SPTAN1: variants seen among roughly 807,000 people sequenced by gnomAD.
SPTAN1 encodes spectrin alpha chain, non-erythrocytic 1.
A neutral mutation model predicts 331.3 loss-of-function variants in SPTAN1; 61 were observed. The ratio of observed to expected loss-of-function variants is 0.18; its 90% CI spans 0.15 to 0.23. The LOEUF is 0.23. Ranked by LOEUF, SPTAN1 falls within the 10% of genes least tolerant of loss-of-function variation. The probability of loss-of-function intolerance (pLI) is 1.00; values close to 1 mark genes in which losing one functional copy is unlikely to be tolerated. For synonymous variants in SPTAN1, 1,153 were observed against 1,173.9 expected (o/e 0.98, Z 0.36); for missense variants, 2,043 against 3,147.9 (o/e 0.65, Z 8.40).
At chr9:128,626,719 G>T (rs779673690) in intron 49 of SPTAN1, 32 bp downstream of exon 49, 3 of 1,574,370 alleles carry the variant, frequency 1.9e-6, no homozygotes, top group Non-Finnish European at 2.6e-6. Context: ...GGAGCTGCTC[G>T]GCCTCCCAGA....
At chr9:128,571,232 G>A (rs1348038142) in intron 3 of SPTAN1, among the ~76,000 whole-genome samples, 4 of 151,886 alleles carry the variant, frequency 2.6e-5, no homozygotes, top group African/African-American at 9.7e-5. Flanking sequence ...CAAGGCTGCA[G>A]TGAGCCATGA....
chr9:128,623,077 T>C (rs1356105264), intron 45 of SPTAN1, among the ~76,000 whole-genome samples: 1 of 150,372 alleles, frequency 6.7e-6, no homozygotes, highest in Admixed American at 6.6e-5. Context: ...TTTTTTGAGA[T>C]GGAGTCTTGC....
intron 28 of SPTAN1, 145 bp from the exon 29 acceptor site, chr9:128,604,181 A>T: frequency 1.2e-6 from 1 of 863,886 alleles, no homozygotes; most frequent in Non-Finnish European, 1.9e-6. Flanking sequence ...AATATTGTAT[A>T]CTAATTTATT....
At chr9:128,616,735 C>G (rs993624972) in intron 41 of SPTAN1, among the ~76,000 whole-genome samples, 2 of 151,374 alleles carry the variant, frequency 1.3e-5, no homozygotes, top group Admixed American at 6.6e-5. Flanking sequence ...CCACTGTACT[C>G]CAGAGCAAGA....
intron 52 of SPTAN1, among the ~76,000 whole-genome samples, chr9:128,631,140 C>T (rs191029857): frequency 4.6e-5 from 7 of 152,302 alleles, no homozygotes; most frequent in Admixed American, 2.6e-4. Context: ...CCACCACTCC[C>T]GGCCGAGGGC....
Position 128,582,764 on chromosome 9 carries a change from A to G in SPTAN1, c.1721A>G (p.His574Arg), listed in dbSNP as rs1852106149. ...RRRAQLADSFHLQQFFRDSDE... is the reference protein window; with the variant it reads ...RRRAQLADSFRLQQFFRDSDE... ...CGGGCCCAGCTAGCCGATTCTTTCCATCTGCAGCAGTTTTTCCGTGATTCT... is the reference window on the plus strand; with the variant it reads ...CGGGCCCAGCTAGCCGATTCTTTCCGTCTGCAGCAGTTTTTCCGTGATTCT... The change falls in exon 14 of 57, where the codon CAT (histidine) becomes CGT (arginine). Residue 574 changes from histidine (H) to arginine (R), a missense_variant. This residue lies in a region of SPTAN1 where 1,038 missense variants were observed against 1,531.5 expected (regional missense o/e 0.68). Transcript: ENST00000372739. 1 of 1,614,100 alleles carries G rather than the reference A, an allele frequency of 6.2e-7. No homozygotes were observed. The highest frequency in any genetic ancestry group is 8.5e-7 in the Non-Finnish European group (1 of 1,180,032).
At chr9:128,604,594 G>A (rs908979263) in intron 29 of SPTAN1, among the ~76,000 whole-genome samples, 177 bp downstream of exon 29, 1 of 152,240 alleles carries the variant, frequency 6.6e-6, no homozygotes, top group East Asian at 1.9e-4. Flanking sequence ...GCTTTTTAGA[G>A]TTATTGGTGG....
chr9:128,584,961 T>C, intron 18 of SPTAN1, 118 bp downstream of exon 18: 1 of 1,220,206 alleles, frequency 8.2e-7, no homozygotes, highest in Non-Finnish European at 1.2e-6. Flanking sequence ...ACCATCCCCA[T>C]TCTTTCCTAA....
In SPTAN1 at chr9:128,617,549, A is replaced by G. The variant is rs372621227; in HGVS notation, c.5358-91A>G. On this transcript the variant is annotated intron_variant, in intron 41 of 56. Coordinates refer to ENST00000372739, the MANE Select transcript of SPTAN1 (RefSeq NM_001130438.3). Reference sequence around the variant, plus strand: ...AGGATTTTCCCAGAAAGATTAGTAGATGTCTGTGAGGTCCACAGTTGACCT... The same window carrying G: ...AGGATTTTCCCAGAAAGATTAGTAGGTGTCTGTGAGGTCCACAGTTGACCT... 26 of 1,586,842 alleles carry G rather than the reference A, an allele frequency of 1.6e-5. No homozygotes were observed. The South Asian group carries it at 2.2e-4, about 14-fold the overall frequency.
chr9:128,584,932 C>T, intron 18 of SPTAN1, 89 bp downstream of exon 18: 2 of 1,529,664 alleles, frequency 1.3e-6, no homozygotes, highest in South Asian at 2.3e-5. Flanking sequence ...GCATCACAAA[C>T]CAGGCTCTGG....
rs558154123 is a variant in SPTAN1 at position 128,607,590 on chromosome 9, G to T, written c.4047-14G>T. 208 of 1,609,216 alleles carry T rather than the reference G, an allele frequency of 1.3e-4. No homozygotes were observed. In the South Asian group the frequency reaches 2.2e-3, roughly 17 times the overall value. The stretch of plus-strand genomic sequence containing the variant: ...GTAATATAATAGCTATTTTTCTGGG[G>T]TGCTGGTTTCCAGGGACCTCATGTC... On this transcript the variant is annotated splice_polypyrimidine_tract_variant and intron_variant, in intron 31 of 56. Coordinates refer to ENST00000372739, the MANE Select transcript of SPTAN1 (RefSeq NM_001130438.3).
In SPTAN1 at chr9:128,625,562, G is replaced by C. The variant is rs1346832515; in HGVS notation, c.6070-207G>C. Among the ~76,000 whole-genome samples, 3 of 152,178 alleles carry C rather than the reference G, an allele frequency of 2.0e-5. No homozygotes were observed. Among genetic ancestry groups the C allele is most frequent in the African/African-American group, 7.2e-5 (3 of 41,444 alleles). ...CTGGGGCGGGAGAGCGGAAGGCTGG[G>C]GTCAGGGAGGTGGGAGGAGGCTGCC... is the stretch of plus-strand genomic sequence containing the variant. On this transcript the variant is annotated intron_variant, in intron 47 of 56. Transcript: ENST00000372739. The surrounding 1 kb of genome is among the most constrained non-coding windows in gnomAD (Gnocchi z 4.1).
At chr9:128,603,642 T>G (rs1855454620) in intron 28 of SPTAN1, 52 bp downstream of exon 28, 2 of 1,600,136 alleles carry the variant, frequency 1.2e-6, no homozygotes, top group East Asian at 4.5e-5. Flanking sequence ...CTCCACTATC[T>G]TCCTTCCCTG....
rs1564296896 is a variant in SPTAN1, at chr9:128,617,627, A to T, written c.5358-13A>T. The T allele has an allele frequency of 6.2e-7, 1 of 1,614,114 alleles. No individual in the cohort carries two copies. The highest frequency in any genetic ancestry group is 1.7e-5 in the Admixed American group (1 of 60,012). ...GCAGAGACTGACTGTGCTGTTTCCC[A>T]TCTCTCATTCAGGGAGAAGAAGCTG... On this transcript the variant is annotated splice_polypyrimidine_tract_variant and intron_variant, in intron 41 of 56. Transcript: ENST00000372739.
intron 27 of SPTAN1, among the ~76,000 whole-genome samples, chr9:128,603,077 G>C (rs1440984775): frequency 6.6e-6 from 1 of 152,162 alleles, no homozygotes; most frequent in Non-Finnish European, 1.5e-5. Flanking sequence ...CTTCAACGGG[G>C]ATACGGTTAA....
In SPTAN1 at chr9:128,632,946, G is replaced by T. The variant is rs753021419; in HGVS notation, c.7299G>T (p.Glu2433Asp). 10 of 1,612,416 alleles carry T rather than the reference G, an allele frequency of 6.2e-6. No individual in the cohort carries two copies. Among genetic ancestry groups the T allele is most frequent in the Non-Finnish European group, 8.5e-6 (10 of 1,180,026 alleles). ...SEGKPYVTKE[E>D]LYQNLTREQA... ...GAAAGCCTTACGTGACCAAGGAGGA[G>T]CTCTACCAGGTATGGGCCTCAGGAG... The change falls in exon 56 of 57, where the codon GAG becomes GAT. Residue 2433 changes from glutamate to aspartate, a missense_variant. Glu to Asp is a conservative substitution (Grantham distance 45). This residue lies in a region of SPTAN1 where 88 missense variants were observed against 96.5 expected (regional missense o/e 0.91). Transcript: ENST00000372739.
Position 128,599,817 on chromosome 9 carries a change from T to G in SPTAN1, c.3544-263T>G, listed in dbSNP as rs1854844002. 4 of 535,310 alleles carry G rather than the reference T, an allele frequency of 7.5e-6. No homozygotes were observed. The East Asian group carries it at 9.4e-5, about 13-fold the overall frequency. The allele number at this position is 535,310 out of a possible 1,614,324, so 33.2% of individuals were successfully genotyped here. On this transcript the variant is annotated intron_variant, in intron 26 of 56. Transcript: ENST00000372739. Reference sequence around the variant, plus strand: ...TACAACATAAAAGTTGGTGGTTTTCTTATTAAATTTCTTTATTCTCTCCAT... The same window carrying G: ...TACAACATAAAAGTTGGTGGTTTTCGTATTAAATTTCTTTATTCTCTCCAT...
intron 2 of SPTAN1, among the ~76,000 whole-genome samples, chr9:128,567,423 C>T (rs1850163213): frequency 6.6e-6 from 1 of 152,182 alleles, no homozygotes; most frequent in Admixed American, 6.5e-5. Flanking sequence ...TCCCAGGTTG[C>T]TGGGATTACA....
chr9:128,626,534 C>G lies in SPTAN1; in HGVS notation c.6423C>G (p.Phe2141Leu). The G allele has an allele frequency of 6.2e-7, 1 of 1,614,206 alleles. No homozygotes were observed. The highest frequency in any genetic ancestry group is 8.5e-7 in the Non-Finnish European group (1 of 1,180,034). ...IKALREAHDAFRSSLSSAQAD... is the reference protein window; with the variant it reads ...IKALREAHDALRSSLSSAQAD... ...CTTTGCGCGAGGCCCACGACGCCTT[C>G]CGCTCCTCCCTCAGCTCTGCCCAGG... The change falls in exon 49 of 57, where the codon TTC becomes TTG. Residue 2141 changes from phenylalanine (F) to leucine (L), a missense_variant. This residue lies in a region of SPTAN1 where 256 missense variants were observed against 376.4 expected (regional missense o/e 0.68). Transcript: ENST00000372739.
Sources: allele counts gnomAD v4.1 joint callset (sites outside exome capture counted in the v4.1 genomes callset), GRCh38; gene constraint gnomAD v4.1.1; regional missense constraint gnomAD v4.1.1; non-coding constraint Gnocchi (gnomAD v3.1); transcripts MANE v1.5; gene names NCBI Gene and HGNC (gene_info 2026-07-23, HGNC 2026-07-21).